The following SLC24A2 variants were observed in gnomAD, a reference collection of about 807,000 sequenced individuals.
The protein encoded by SLC24A2 is sodium/potassium/calcium exchanger 2.
SLC24A2 carries 36 observed loss-of-function variants against 62.0 expected under a neutral mutation model. That is an observed-to-expected ratio of 0.58 (90% confidence interval 0.44 to 0.77). The LOEUF is 0.77. Among genes scored for constraint, SLC24A2 ranks in the 30% least tolerant of loss-of-function variants. The pLI, the probability that SLC24A2 is intolerant of heterozygous loss-of-function variation, is 0.00. For missense variants in SLC24A2, 846 were observed against 817.9 expected, an observed-to-expected ratio of 1.03 and a Z score of -0.42; for synonymous variants, 358 against 294.0, an observed-to-expected ratio of 1.22 and a Z score of -2.23.
chr9:19,962,683 T>C, the SLC24A2 span, among the ~76,000 whole-genome samples: 2 of 152,202 alleles, frequency 1.3e-5, no homozygotes, highest in Non-Finnish European at 2.9e-5. Context: ...TGTATAAGAA[T>C]GCTTGTGATT....
chr9:20,282,000 A>G, the SLC24A2 span, among the ~76,000 whole-genome samples: 7 of 152,298 alleles, frequency 4.6e-5, no homozygotes, highest in Middle Eastern at 3.4e-3. Context: ...TATAAATTGC[A>G]CTGGGACTCT....
the SLC24A2 span, chr9:19,929,719 C>T: frequency 1.3e-5 from 2 of 152,540 alleles, no homozygotes; most frequent in Non-Finnish European, 2.9e-5. Context: ...GCAGGTTCTT[C>T]AGGAGGTGTT....
chr9:19,724,265 T>C (rs1019688655), intron 2 of SLC24A2, among the ~76,000 whole-genome samples: 4 of 152,180 alleles, frequency 2.6e-5, no homozygotes, highest in African/African-American at 9.7e-5. Flanking sequence ...GTTAAGTGCA[T>C]AGCTGATGTT....
chr9:19,559,256 T>C (rs948886839), intron 7 of SLC24A2, among the ~76,000 whole-genome samples: 1 of 152,222 alleles, frequency 6.6e-6, no homozygotes, highest in Non-Finnish European at 1.5e-5. Flanking sequence ...ATTATTTGAT[T>C]TGAAGGTGGA....
At chr9:19,569,114 G>T (rs906076706) in intron 7 of SLC24A2, among the ~76,000 whole-genome samples, 1 of 152,060 alleles carries the variant, frequency 6.6e-6, no homozygotes, top group African/African-American at 2.4e-5. Flanking sequence ...ACTAAGGATG[G>T]GCAAACGTTT....
At chr9:19,684,205 T>C (rs1220968254) in intron 2 of SLC24A2, among the ~76,000 whole-genome samples, 1 of 152,066 alleles carries the variant, frequency 6.6e-6, no homozygotes, top group Non-Finnish European at 1.5e-5. Context: ...TTCTGAGGCC[T>C]GGGAAAGAGA....
At chr9:19,552,908 T>C (rs992399950) in intron 7 of SLC24A2, among the ~76,000 whole-genome samples, 1 of 152,188 alleles carries the variant, frequency 6.6e-6, no homozygotes, top group Non-Finnish European at 1.5e-5. Flanking sequence ...TGCAAACAAT[T>C]AACTATATTG....
chr9:19,904,037 A>C, the SLC24A2 span, among the ~76,000 whole-genome samples: 2 of 152,226 alleles, frequency 1.3e-5, no homozygotes, highest in African/African-American at 4.8e-5. Context: ...GGGACAAGTC[A>C]TACCTCAGTG....
In SLC24A2 at chr9:19,733,906, T is replaced by A. The variant is rs372317448; in HGVS notation, c.930+52031A>T. 7.2e-5 allele frequency among the ~76,000 whole-genome samples: 11 copies of A among 152,224 alleles called. No individual in the cohort carries two copies. In the South Asian group the frequency reaches 1.5e-3, roughly 20 times the overall value. On this transcript the variant is annotated intron_variant, in intron 2 of 10. Coordinates refer to ENST00000341998, the MANE Select transcript of SLC24A2 (RefSeq NM_020344.4). ...CAGATGGGCAAAAACAAATAAATAC[T>A]CTTATTTCAGGTAATAAGTCCAGGA...
At chr9:19,915,515 G>C in the SLC24A2 span, among the ~76,000 whole-genome samples, 2 of 151,984 alleles carry the variant, frequency 1.3e-5, no homozygotes, top group African/African-American at 4.8e-5. Context: ...ACTTTTTCCA[G>C]AGCACTGCAC....
chr9:19,987,250 G>T, the SLC24A2 span, among the ~76,000 whole-genome samples: 1 of 152,060 alleles, frequency 6.6e-6, no homozygotes, highest in East Asian at 1.9e-4. Flanking sequence ...TCACTGTCGG[G>T]TGGACCTCTT....
At chr9:20,294,357 GA>G in the SLC24A2 span, among the ~76,000 whole-genome samples, 1 of 152,104 alleles carries the variant, frequency 6.6e-6, no homozygotes, top group Non-Finnish European at 1.5e-5. Flanking sequence ...CCCGCCCTAG[GA>G]AGGAATTATT....
At chr9:20,086,975 A>C in the SLC24A2 span, among the ~76,000 whole-genome samples, 2 of 152,294 alleles carry the variant, frequency 1.3e-5, no homozygotes, top group East Asian at 3.9e-4. Context: ...TGTTGCAAGG[A>C]AATGACCACC....
At chr9:20,031,840 C>A in the SLC24A2 span, among the ~76,000 whole-genome samples, 1 of 152,082 alleles carries the variant, frequency 6.6e-6, no homozygotes, top group South Asian at 2.1e-4. Context: ...CGTTGGTGGG[C>A]TGGTAAATGT....
At chr9:20,099,904 G>A in the SLC24A2 span, among the ~76,000 whole-genome samples, 1 of 152,110 alleles carries the variant, frequency 6.6e-6, no homozygotes, top group African/African-American at 2.4e-5. Flanking sequence ...AATTTCACAA[G>A]TCTCCTTTAA....
the SLC24A2 span, among the ~76,000 whole-genome samples, chr9:19,847,248 T>C: frequency 6.6e-6 from 1 of 152,226 alleles, no homozygotes; most frequent in Admixed American, 6.5e-5. Flanking sequence ...GTTTATTTGT[T>C]AATTTAATAT....
At chr9:19,533,103 TATAAATGAAGCAG>T (rs936359200) in intron 8 of SLC24A2, among the ~76,000 whole-genome samples, 4 of 152,208 alleles carry the variant, frequency 2.6e-5, no homozygotes, top group Non-Finnish European at 4.4e-5. Flanking sequence ...ACAATTTGCA[TATAAATGAAGCAG>T]AAATAAAAGC....
chr9:19,778,198 C>T (rs1380326724), intron 2 of SLC24A2, among the ~76,000 whole-genome samples: 1 of 152,148 alleles, frequency 6.6e-6, no homozygotes, highest in Non-Finnish European at 1.5e-5. Flanking sequence ...TGGAATATTA[C>T]ACTTGAAATA....
chr9:20,032,325 G>A, the SLC24A2 span, among the ~76,000 whole-genome samples: 6 of 152,162 alleles, frequency 3.9e-5, no homozygotes. Flanking sequence ...TTGACCCACA[G>A]CAATTAAGCC....
Sources: allele counts gnomAD v4.1 joint callset (sites outside exome capture counted in the v4.1 genomes callset), GRCh38; gene constraint gnomAD v4.1.1; transcripts MANE v1.5; gene names NCBI Gene and HGNC (gene_info 2026-07-23, HGNC 2026-07-21).